The following LNX1 variants were observed in gnomAD, a reference collection of about 807,000 sequenced individuals.
The protein encoded by LNX1 is ligand of numb-protein X 1, also known as E3 ubiquitin-protein ligase LNX.
Under a neutral mutation model 68.4 loss-of-function variants are expected in LNX1, and 54 were observed. The observed-to-expected ratio is 0.79, with a 90% CI of 0.63 to 0.99. The LOEUF (loss-of-function observed/expected upper bound fraction) is 0.99. Ranked by LOEUF, LNX1 falls within the 50% of genes least tolerant of loss-of-function variation. The pLI is 0.00. For missense variants in LNX1, 906 were observed against 926.4 expected, an observed-to-expected ratio of 0.98 and a Z score of 0.29; for synonymous variants, 336 against 350.0, an observed-to-expected ratio of 0.96 and a Z score of 0.45.
chr4:53,617,804 A>G (rs1733734916), upstream of LNX1, among the ~76,000 whole-genome samples: 2 of 152,226 alleles, frequency 1.3e-5, no homozygotes, highest in African/African-American at 2.4e-5. Flanking sequence ...TTAGAGAACC[A>G]ATAGAATTAT....
chr4:53,534,553 G>C (rs1302908639), intron 2 of LNX1, among the ~76,000 whole-genome samples: 2 of 152,080 alleles, frequency 1.3e-5, no homozygotes, highest in Non-Finnish European at 2.9e-5. Context: ...GAGGTGGGAG[G>C]ATCACTTAAA....
intron 2 of LNX1, among the ~76,000 whole-genome samples, chr4:53,548,449 C>G (rs997632009): frequency 1.3e-5 from 2 of 152,108 alleles, no homozygotes; most frequent in Non-Finnish European, 2.9e-5. Context: ...ATACATAAGA[C>G]AAGCAATGGA....
chr4:53,628,793 C>A (rs1230352764), intron 1 of LNX1, among the ~76,000 whole-genome samples: 1 of 151,874 alleles, frequency 6.6e-6, no homozygotes, highest in East Asian at 1.9e-4. Flanking sequence ...TACTACTCAG[C>A]CATAAAAAGA....
chr4:53,471,929 C>T (rs1244806997), intron 9 of LNX1, among the ~76,000 whole-genome samples: 13 of 152,136 alleles, frequency 8.5e-5, no homozygotes, highest in African/African-American at 2.9e-4. Flanking sequence ...GTCAGTGTGG[C>T]GATTCCTCAG....
At chr4:53,488,110 C>T (rs1374397998) in intron 6 of LNX1, among the ~76,000 whole-genome samples, 1 of 152,210 alleles carries the variant, frequency 6.6e-6, no homozygotes, top group African/African-American at 2.4e-5. Flanking sequence ...TTCTCTATAG[C>T]CTATAATTCA....
intron 2 of LNX1, among the ~76,000 whole-genome samples, chr4:53,563,160 C>A (rs141708035): frequency 6.6e-6 from 1 of 152,022 alleles, no homozygotes; most frequent in Non-Finnish European, 1.5e-5. Flanking sequence ...GAGCTGAGAT[C>A]GTGCCAGCCT....
chr4:53,626,834 C>T (rs746318877), intron 1 of LNX1, among the ~76,000 whole-genome samples: 24 of 152,240 alleles, frequency 1.6e-4, no homozygotes, highest in Middle Eastern at 6.8e-3. Context: ...ATTAAGTTTA[C>T]TTTTGAAATC....
At chr4:53,640,972 G>C (rs2109884469) in intron 1 of LNX1, among the ~76,000 whole-genome samples, 1 of 152,336 alleles carries the variant, frequency 6.6e-6, no homozygotes, top group African/African-American at 2.4e-5. Context: ...GCTGAGGCCT[G>C]GCCGTTGTTT....
chr4:53,540,566 C>T (rs927949581), intron 2 of LNX1, among the ~76,000 whole-genome samples: 14 of 151,974 alleles, frequency 9.2e-5, no homozygotes, highest in African/African-American at 3.4e-4. Flanking sequence ...CCTGTAATCC[C>T]AGCTACTCGG....
rs1191166051 is a variant in LNX1, at chr4:53,460,309, C to T, written c.*598G>A. 4.8e-5 allele frequency: 9 copies of T among 189,140 alleles called. No individual in the cohort carries two copies. Among genetic ancestry groups the T allele is most frequent in the Non-Finnish European group, 8.9e-5 (8 of 90,144 alleles). The allele number at this position is 189,140 out of a possible 1,614,324, so 11.7% of individuals were successfully genotyped here. On this transcript the variant is annotated 3_prime_UTR_variant, in exon 11 of 11. Transcript: ENST00000263925. ...ACAAGTTTATAATTAATTCTCTGAG[C>T]GAGCATTTTTAGGGATAAGCCTAGG...
chr4:53,601,274 A>G (rs1733002456), intron 2 of LNX1, among the ~76,000 whole-genome samples: 1 of 152,102 alleles, frequency 6.6e-6, no homozygotes, highest in African/African-American at 2.4e-5. Flanking sequence ...CTTTGTCCAT[A>G]TCAGTGCCAG....
At chr4:53,588,421 A>G (rs1395019847) in intron 1 of LNX1, among the ~76,000 whole-genome samples, 1 of 152,198 alleles carries the variant, frequency 6.6e-6, no homozygotes, top group Non-Finnish European at 1.5e-5. Flanking sequence ...AGCTTAAAGA[A>G]TCTGTCCCAG....
intron 1 of LNX1, among the ~76,000 whole-genome samples, chr4:53,627,178 G>A (rs1734107703): frequency 6.6e-6 from 1 of 152,200 alleles, no homozygotes; most frequent in Non-Finnish European, 1.5e-5. Flanking sequence ...CAGGGAGAAG[G>A]AAAGCGTAGC....
intron 9 of LNX1, among the ~76,000 whole-genome samples, chr4:53,476,113 A>T (rs1723543004): frequency 6.6e-6 from 1 of 152,076 alleles, no homozygotes. Context: ...CCTGGGCAAC[A>T]TGGTGAATCC....
At chr4:53,591,270 G>T in intron 1 of LNX1, 118 bp downstream of exon 1, 1 of 531,150 alleles carries the variant, frequency 1.9e-6, no homozygotes, top group Non-Finnish European at 2.4e-6. Context: ...CTCCCTCTGG[G>T]GCAAACACTA....
intron 1 of LNX1, chr4:53,575,760 T>TAGTC: frequency 6.4e-7 from 1 of 1,557,348 alleles, no homozygotes. Context: ...ATCCTGGTGG[T>TAGTC]AGTCACAGTG....
At chr4:53,463,639 G>A (rs910245441) in intron 9 of LNX1, among the ~76,000 whole-genome samples, 12 of 14,366 alleles carry the variant, frequency 8.4e-4, no homozygotes, top group Non-Finnish European at 1.4e-3. Flanking sequence ...TAGGCCTATC[G>A]AAGATTTGGC....
chr4:53,533,590 A>T (rs868085700), intron 2 of LNX1, among the ~76,000 whole-genome samples: 36 of 152,068 alleles, frequency 2.4e-4, no homozygotes, highest in African/African-American at 8.2e-4. Flanking sequence ...GGTAGGGATG[A>T]GGTTTCACTG....
chr4:53,508,795 C>A (rs1726112190), intron 2 of LNX1, among the ~76,000 whole-genome samples: 1 of 152,174 alleles, frequency 6.6e-6, no homozygotes, highest in Non-Finnish European at 1.5e-5. Context: ...CTGGGCTGGT[C>A]TGGGAGGGCC....
Sources: allele counts gnomAD v4.1 joint callset (sites outside exome capture counted in the v4.1 genomes callset), GRCh38; gene constraint gnomAD v4.1.1; transcripts MANE v1.5; gene names NCBI Gene and HGNC (gene_info 2026-07-23, HGNC 2026-07-21).